The following MGMT variants were observed in gnomAD, a reference collection of about 807,000 sequenced individuals.
The protein encoded by MGMT is methylated-DNA--protein-cysteine methyltransferase.
In MGMT, 14 loss-of-function variants were observed where a neutral mutation model predicts 15.9. The observed-to-expected ratio is 0.88, with a 90% CI of 0.58 to 1.37. The LOEUF (loss-of-function observed/expected upper bound fraction) is 1.37. Ranked by LOEUF, MGMT falls within the 40% of genes most tolerant of loss-of-function variation. The pLI is 0.00. For synonymous variants in MGMT, 130 were observed against 118.2 expected, an observed-to-expected ratio of 1.10 and a Z score of -0.65; for missense variants, 282 against 268.1, an observed-to-expected ratio of 1.05 and a Z score of -0.36.
rs1169997971 is a variant in MGMT at position 129,659,510 on chromosome 10, A to T, written c.126-48385A>T. Among the ~76,000 whole-genome samples, 2 of 152,190 alleles carry T rather than the reference A, an allele frequency of 1.3e-5. No individual in the cohort carries two copies. Among genetic ancestry groups the T allele is most frequent in the Non-Finnish European group, 2.9e-5 (2 of 68,036 alleles). ...CTCTCTGGAGAACACAGGCCATTGT[A>T]CCTGCTCATGAGAACAGAAGTGAAA... On this transcript the variant is annotated intron_variant, in intron 2 of 4. Transcript: ENST00000651593. This position sits in a 1 kb window ranked among gnomAD's most constrained non-coding sequence, Gnocchi z 4.1.
At chr10:129,746,376 T>C (rs898273407) in intron 3 of MGMT, among the ~76,000 whole-genome samples, 2 of 151,814 alleles carry the variant, frequency 1.3e-5, no homozygotes, top group African/African-American at 4.8e-5. Context: ...GAAGGACATA[T>C]CTAACAACTG....
chr10:129,617,567 T>A (rs938413998), intron 2 of MGMT, among the ~76,000 whole-genome samples: 1 of 152,164 alleles, frequency 6.6e-6, no homozygotes. Flanking sequence ...GCATTCCGTT[T>A]TCTCTACAGC....
intron 3 of MGMT, among the ~76,000 whole-genome samples, chr10:129,721,716 T>G (rs1359706): frequency 6.6e-6 from 1 of 151,838 alleles, no homozygotes; most frequent in East Asian, 1.9e-4. Context: ...TGATAAATTA[T>G]GAATGCATAT....
At chr10:129,561,040 G>A (rs1258735333) in intron 2 of MGMT, among the ~76,000 whole-genome samples, 1 of 151,488 alleles carries the variant, frequency 6.6e-6, no homozygotes, top group African/African-American at 2.4e-5. Flanking sequence ...GGGAAGGGTG[G>A]GGATGAGCTG....
At chr10:129,540,380 AGCT>A (rs778632397) in intron 2 of MGMT, among the ~76,000 whole-genome samples, 7 of 152,146 alleles carry the variant, frequency 4.6e-5, no homozygotes, top group Non-Finnish European at 4.4e-5. Flanking sequence ...TCTTCTATTG[AGCT>A]GTCCAGAACC....
chr10:129,601,810 C>T (rs1034118290), intron 2 of MGMT, among the ~76,000 whole-genome samples: 2 of 152,198 alleles, frequency 1.3e-5, no homozygotes, highest in African/African-American at 4.8e-5. Context: ...GCGTGCAGGG[C>T]TTCTTGACAC....
intron 2 of MGMT, among the ~76,000 whole-genome samples, chr10:129,704,114 T>C (rs577920083): frequency 6.5e-4 from 99 of 152,236 alleles, no homozygotes; most frequent in African/African-American, 2.2e-3. Context: ...ATCAGTACAC[T>C]GTTTATTCGG....
In MGMT at chr10:129,705,479, C is replaced by T. The variant is rs569471878; in HGVS notation, c.126-2416C>T. Among the ~76,000 whole-genome samples the T allele has an allele frequency of 4.6e-5, 7 of 152,318 alleles. No homozygotes were observed. In the East Asian group the frequency reaches 1.3e-3, roughly 29 times the overall value. On this transcript the variant is annotated intron_variant, in intron 2 of 4. Coordinates refer to ENST00000651593, the MANE Select transcript of MGMT (RefSeq NM_002412.5). ...TAAGCTATAGTTATCTTTATTTCCG[C>T]TTTAACTGCATAAGAGAGGAAACCT...
intron 2 of MGMT, among the ~76,000 whole-genome samples, chr10:129,677,168 G>GT (rs1198021006): frequency 1.2e-5 from 1 of 86,232 alleles, no homozygotes; most frequent in Admixed American, 9.7e-5. Context: ...TGAAACACAT[G>GT]TGTTTTTTTT....
intron 2 of MGMT, among the ~76,000 whole-genome samples, chr10:129,581,183 G>T (rs1050378691): frequency 2.5e-4 from 38 of 152,184 alleles, no homozygotes; most frequent in Non-Finnish European, 3.4e-4. Context: ...CCTGTCGCGG[G>T]CTGAGCTTTT....
intron 1 of MGMT, among the ~76,000 whole-genome samples, chr10:129,486,480 C>T (rs764748060): frequency 2.0e-4 from 30 of 152,078 alleles, no homozygotes; most frequent in African/African-American, 2.7e-4. Context: ...TGAGCCACTG[C>T]GCCCAGCCGG....
intron 2 of MGMT, among the ~76,000 whole-genome samples, chr10:129,563,104 A>C (rs73386930): frequency 0.046 from 6,992 of 152,282 alleles, 547 homozygotes; most frequent in African/African-American, 0.16. Flanking sequence ...AGCACGTTTA[A>C]GGCAGGCTGG....
At chr10:129,529,976 C>T (rs1019923367) in intron 1 of MGMT, among the ~76,000 whole-genome samples, 2 of 152,208 alleles carry the variant, frequency 1.3e-5, no homozygotes, top group African/African-American at 2.4e-5. Context: ...CCGTGGCTCA[C>T]TGCAGCCTCG....
intron 1 of MGMT, among the ~76,000 whole-genome samples, chr10:129,503,419 A>T (rs1845594726): frequency 6.6e-6 from 1 of 152,238 alleles, no homozygotes; most frequent in African/African-American, 2.4e-5. Context: ...ATTGCACACA[A>T]ATGTGAGATA....
At chr10:129,688,717 C>T (rs569880533) in intron 2 of MGMT, among the ~76,000 whole-genome samples, 12 of 152,018 alleles carry the variant, frequency 7.9e-5, no homozygotes, top group Non-Finnish European at 1.6e-4. Context: ...TCTAAAACAC[C>T]AAAAGCAATG....
At chr10:129,715,462 A>G (rs926487317) in intron 3 of MGMT, 2 of 152,220 alleles carry the variant, frequency 1.3e-5, no homozygotes, top group African/African-American at 4.8e-5. Flanking sequence ...TCTCTGTTTT[A>G]AAGTAAAAAA....
At chr10:129,528,963 G>A (rs762978518) in intron 1 of MGMT, among the ~76,000 whole-genome samples, 17 of 152,326 alleles carry the variant, frequency 1.1e-4, no homozygotes, top group African/African-American at 3.8e-4. Context: ...AGCAAATCAC[G>A]TCACTGTGAT....
intron 1 of MGMT, among the ~76,000 whole-genome samples, chr10:129,531,869 A>G (rs942746940): frequency 2.0e-5 from 3 of 151,972 alleles, no homozygotes; most frequent in Non-Finnish European, 4.4e-5. Flanking sequence ...TTTTGATCCT[A>G]TTTAGGTTGT....
At chr10:129,590,541 G>A (rs1846671403) in intron 2 of MGMT, among the ~76,000 whole-genome samples, 1 of 152,202 alleles carries the variant, frequency 6.6e-6, no homozygotes, top group Non-Finnish European at 1.5e-5. Flanking sequence ...TTCTAGCCAT[G>A]GAATTGCTGG....
Sources: allele counts gnomAD v4.1 joint callset (sites outside exome capture counted in the v4.1 genomes callset), GRCh38; gene constraint gnomAD v4.1.1; non-coding constraint Gnocchi (gnomAD v3.1); transcripts MANE v1.5; gene names NCBI Gene and HGNC (gene_info 2026-07-23, HGNC 2026-07-21).